The following SLC16A3 variants were observed in gnomAD, a reference collection of about 807,000 sequenced individuals.
SLC16A3 encodes monocarboxylate transporter 4.
Under a neutral mutation model 25.0 loss-of-function variants are expected in SLC16A3, and 22 were observed. That is an observed-to-expected ratio of 0.88 (90% CI 0.63 to 1.26). The LOEUF (loss-of-function observed/expected upper bound fraction) is 1.26, where lower values mean the gene tolerates loss of function less well. Ranked by LOEUF, SLC16A3 falls within the 50% of genes most tolerant of loss-of-function variation. The pLI is 0.00. For synonymous variants in SLC16A3, 390 were observed against 309.2 expected, an observed-to-expected ratio of 1.26 and a Z score of -2.74; for missense variants, 731 against 666.6, an observed-to-expected ratio of 1.10 and a Z score of -1.06.
At chr17:82,219,387 G>A (rs563647817) in intron 1 of SLC16A3, among the ~76,000 whole-genome samples, 7 of 152,062 alleles carry the variant, frequency 4.6e-5, no homozygotes, top group Non-Finnish European at 1.0e-4. Context: ...TGCGGTGAGG[G>A]TGACACTGTC....
chr17:82,236,624 G>T, intron 2 of SLC16A3, 105 bp from the exon 3 acceptor site: 1 of 1,485,280 alleles, frequency 6.7e-7, no homozygotes, highest in South Asian at 1.2e-5. Flanking sequence ...GCGGGGGGAG[G>T]GGTGGTGTGG....
intron 1 of SLC16A3, chr17:82,231,193 G>T (rs1490483827): frequency 6.6e-6 from 1 of 152,118 alleles, no homozygotes; most frequent in Non-Finnish European, 1.5e-5. Flanking sequence ...CCCCCGGGTG[G>T]GCCCCGCCCA....
In SLC16A3 at chr17:82,237,485, G is replaced by A. The variant is rs1197338050; in HGVS notation, c.715G>A (p.Val239Met). ...VLYAVAASVM[V>M]LGLFVPPVFV... ...TTACGCCGTGGCCGCCTCGGTCATG[G>A]TGCTGGGGCTCTTCGTCCCGCCCGT... Residue 239 changes from valine (V) to methionine (M), a missense_variant, in exon 4 of 5, where the codon GTG becomes ATG. By Grantham distance (21) the Val-to-Met change is conservative. Coordinates refer to ENST00000582743, the MANE Select transcript of SLC16A3 (RefSeq NM_004207.4). 2.5e-6 allele frequency: 4 copies of A among 1,610,426 alleles called. No homozygotes were observed. Among genetic ancestry groups the A allele is most frequent in the Non-Finnish European group, 3.4e-6 (4 of 1,179,580 alleles).
At chr17:82,232,927 G>GGGGC (rs1443293300) in intron 1 of SLC16A3, among the ~76,000 whole-genome samples, 1 of 151,162 alleles carries the variant, frequency 6.6e-6, no homozygotes, top group Non-Finnish European at 1.5e-5. Flanking sequence ...GCGGGGGGGG[G>GGGGC]GTTGGTAAAT....
chr17:82,229,914 G>GT (rs2050466828), intron 1 of SLC16A3: 1 of 152,510 alleles, frequency 6.6e-6, no homozygotes, highest in Non-Finnish European at 1.5e-5. Flanking sequence ...GAGGGACGAT[G>GT]GGGGGAGCCG....
At chr17:82,235,950 G>T in intron 1 of SLC16A3, 33 bp from the exon 2 acceptor site, 2 of 1,447,642 alleles carry the variant, frequency 1.4e-6, no homozygotes, top group Non-Finnish European at 1.9e-6. Context: ...ATGGTCACCC[G>T]GGCAGCCTGA....
chr17:82,235,061 C>G (rs570498492), intron 1 of SLC16A3: 1 of 152,250 alleles, frequency 6.6e-6, no homozygotes, highest in Non-Finnish European at 1.5e-5. Flanking sequence ...AGTCTGACCT[C>G]GGGTTCCAAC....
intron 2 of SLC16A3, 146 bp from the exon 3 acceptor site, chr17:82,236,583 G>A (rs2147129334): frequency 8.3e-7 from 1 of 1,199,054 alleles, no homozygotes; most frequent in Non-Finnish European, 1.2e-6. Flanking sequence ...TGCGCTCGGG[G>A]AGCCTGCCCA....
In SLC16A3 at chr17:82,239,801, T is replaced by C. The variant is rs2050714058; in HGVS notation, c.*825T>C. 1 of 401,642 alleles carries C rather than the reference T, an allele frequency of 2.5e-6. No homozygotes were observed. Among genetic ancestry groups the C allele is most frequent in the African/African-American group, 2.0e-5 (1 of 48,804 alleles). 24.9% of individuals were successfully genotyped at this position (401,642 alleles called of 1,614,324 possible). Reference sequence around the variant, plus strand: ...TCCTGCCTTCCCTTTTTCGCCCCTCTGCCTGGCTGGCAGTGTGCGTGGTGT... The same window carrying C: ...TCCTGCCTTCCCTTTTTCGCCCCTCCGCCTGGCTGGCAGTGTGCGTGGTGT... On this transcript the variant is annotated 3_prime_UTR_variant, in exon 5 of 5. Transcript: ENST00000582743.
chr17:82,220,374 A>T (rs1599546772), intron 1 of SLC16A3, among the ~76,000 whole-genome samples: 1 of 152,146 alleles, frequency 6.6e-6, no homozygotes. Context: ...GGAAGGGGAG[A>T]CCCAGGGCAA....
intron 1 of SLC16A3, chr17:82,233,754 C>T (rs1229027867): frequency 6.6e-6 from 1 of 152,296 alleles, no homozygotes; most frequent in Admixed American, 6.5e-5. Flanking sequence ...AGCTGGGGCC[C>T]TGAGGCCGTC....
At chr17:82,236,608 T>C (rs1027375241) in intron 2 of SLC16A3, 121 bp from the exon 3 acceptor site, 40 of 1,414,962 alleles carry the variant, frequency 2.8e-5, no homozygotes, top group African/African-American at 5.7e-5. Flanking sequence ...GTGCCCCTGG[T>C]GCCCCGCGGG....
rs566024360 is a variant in SLC16A3 at position 82,237,402 on chromosome 17, C to G, written c.632C>G (p.Pro211Arg). 3.4e-5 allele frequency: 53 copies of G among 1,559,292 alleles called. No homozygotes were observed. The highest frequency in any genetic ancestry group is 1.2e-4 in the East Asian group (5 of 42,152). ...VVTAQPGSGP[P>R]RPSRRLLDLS... ...ACGGCCCAGCCGGGCTCGGGGCCGCCGCGACCCTCCCGGCGCCTGCTAGAC... is the reference window on the plus strand; with the variant it reads ...ACGGCCCAGCCGGGCTCGGGGCCGCGGCGACCCTCCCGGCGCCTGCTAGAC... The change falls in exon 4 of 5, where the codon CCG (proline) becomes CGG (arginine). Residue 211 changes from proline to arginine, a missense_variant. By Grantham distance (103) the Pro-to-Arg change is moderately radical. Transcript: ENST00000582743.
At chr17:82,225,703 G>A (rs573526218), upstream of SLC16A3, among the ~76,000 whole-genome samples, 44 of 152,364 alleles carry the variant, frequency 2.9e-4, no homozygotes, top group East Asian at 7.7e-4. Context: ...GTGCTGGGTG[G>A]TACGGCCAAG....
At chr17:82,221,030 G>T (rs1187444097) in intron 1 of SLC16A3, among the ~76,000 whole-genome samples, 1 of 151,924 alleles carries the variant, frequency 6.6e-6, no homozygotes, top group Non-Finnish European at 1.5e-5. Flanking sequence ...TACTGGCCAG[G>T]CTGGTCTCAA....
chr17:82,236,401 C>T, intron 2 of SLC16A3, 170 bp downstream of exon 2: 1 of 686,668 alleles, frequency 1.5e-6, no homozygotes, highest in Non-Finnish European at 2.4e-6. Flanking sequence ...CTCCACGGGG[C>T]CAACCCAGGC....
intron 1 of SLC16A3, chr17:82,231,397 C>A (rs2050493957): frequency 6.6e-6 from 1 of 152,306 alleles, no homozygotes; most frequent in African/African-American, 2.4e-5. Flanking sequence ...TCACCTTCCC[C>A]CCCGGGTCCC....
intron 1 of SLC16A3, among the ~76,000 whole-genome samples, chr17:82,218,190 T>G (rs111971277): frequency 0.018 from 2,711 of 150,380 alleles, 290 homozygotes; most frequent in African/African-American, 0.064. Context: ...CCCTGGTGAG[T>G]GGACGGCCAA....
upstream of SLC16A3, among the ~76,000 whole-genome samples, chr17:82,228,015 C>A (rs1310765060): frequency 6.6e-6 from 1 of 152,212 alleles, no homozygotes; most frequent in African/African-American, 2.4e-5. Context: ...TCCATTGATA[C>A]CCCCTGCCTC....
Sources: allele counts gnomAD v4.1 joint callset (sites outside exome capture counted in the v4.1 genomes callset), GRCh38; gene constraint gnomAD v4.1.1; transcripts MANE v1.5; gene names NCBI Gene and HGNC (gene_info 2026-07-23, HGNC 2026-07-21).